POLR1C: variants seen among roughly 807,000 people sequenced by gnomAD.
POLR1C encodes DNA-directed RNA polymerases I and III subunit RPAC1.
A neutral mutation model predicts 38.3 loss-of-function variants in POLR1C; 42 were observed. The ratio of observed to expected loss-of-function variants is 1.10; its 90% CI spans 0.86 to 1.42. The LOEUF (loss-of-function observed/expected upper bound fraction) is 1.42. Ranked by LOEUF, POLR1C falls within the 40% of genes most tolerant of loss-of-function variation. The probability of loss-of-function intolerance (pLI) is 0.00; values close to 1 mark genes in which losing one functional copy is unlikely to be tolerated. For synonymous variants in POLR1C, 163 were observed against 163.9 expected (o/e 0.99, Z 0.04); for missense variants, 507 against 450.5 (o/e 1.13, Z -1.14).
intron 6 of POLR1C, 37 bp downstream of exon 6, chr6:43,520,464 G>A (rs988782039): frequency 2.5e-6 from 4 of 1,612,210 alleles, no homozygotes; most frequent in Non-Finnish European, 2.5e-6. Flanking sequence ...AAGGGGGATA[G>A]TTCGGTTGCA....
chr6:43,529,021 G>T, intron 8 of POLR1C: 1 of 1,221,044 alleles, frequency 8.2e-7, no homozygotes, highest in Admixed American at 2.4e-5. Context: ...ATCCCTAAAG[G>T]ATTTGCCAGA....
chr6:43,543,126 T>TG (rs1198781226), intron 9 of POLR1C, among the ~76,000 whole-genome samples: 6 of 152,206 alleles, frequency 3.9e-5, no homozygotes, highest in African/African-American at 1.4e-4. Context: ...TGCATACTTC[T>TG]GATTTCATTT....
intron 8 of POLR1C, chr6:43,528,808 G>C: frequency 6.2e-7 from 1 of 1,609,568 alleles, no homozygotes; most frequent in Non-Finnish European, 8.5e-7. Context: ...TTTGCTTCCT[G>C]TTCCTGACTT....
intron 9 of POLR1C, chr6:43,538,827 T>C: frequency 8.7e-7 from 1 of 1,143,502 alleles, no homozygotes; most frequent in East Asian, 2.4e-5. Flanking sequence ...AAACCCTATG[T>C]TGTAGCCACA....
At chr6:43,524,352 C>CAAAAAAA, downstream of POLR1C, 3 of 1,069,136 alleles carry the variant, frequency 2.8e-6, no homozygotes, top group African/African-American at 3.9e-5. Flanking sequence ...AACCCCATCT[C>CAAAAAAA]AAAAAAAAAA....
exon 11 of POLR1C, chr6:43,562,217 A>G: frequency 6.4e-7 from 1 of 1,566,610 alleles, no homozygotes; most frequent in Non-Finnish European, 8.7e-7. Flanking sequence ...AATGGGCTTG[A>G]AGCTCTCCAG....
chr6:43,527,438 T>C (rs1360961789), intron 8 of POLR1C: 26 of 521,670 alleles, frequency 5.0e-5, no homozygotes, highest in Non-Finnish European at 8.5e-5. Context: ...TACGCCCAGC[T>C]AATTTTTGTA....
intron 10 of POLR1C, chr6:43,553,307 A>G (rs946594841): frequency 2.2e-5 from 33 of 1,530,330 alleles, no homozygotes; most frequent in Non-Finnish European, 8.8e-7. Flanking sequence ...GTCCCAAAAT[A>G]GAAAGAGAAA....
downstream of POLR1C, chr6:43,524,094 T>TA: frequency 6.6e-7 from 1 of 1,518,194 alleles, no homozygotes; most frequent in Non-Finnish European, 8.8e-7. Flanking sequence ...CTCGCGCCTG[T>TA]AATCCCAACA....
chr6:43,523,583 C>A (rs1793336165), downstream of POLR1C: 4 of 607,862 alleles, frequency 6.6e-6, no homozygotes, highest in Admixed American at 7.8e-5. Context: ...AGAAGGGCTG[C>A]TCTGCTCTAG....
chr6:43,522,270 C>T (rs1310419292), downstream of POLR1C: 1 of 152,486 alleles, frequency 6.6e-6, no homozygotes. Flanking sequence ...CCCGGGTGCT[C>T]ATGAAGTAAC....
intron 10 of POLR1C, chr6:43,560,418 G>A: frequency 7.7e-7 from 1 of 1,300,394 alleles, no homozygotes; most frequent in Non-Finnish European, 1.0e-6. Context: ...ACAATACTTT[G>A]AAGCTGTCTC....
chr6:43,537,972 G>A (rs115037240), intron 9 of POLR1C, among the ~76,000 whole-genome samples: 1,878 of 150,878 alleles, frequency 0.012, 41 homozygotes, highest in African/African-American at 0.044. Flanking sequence ...AGAGGCTGAG[G>A]CAGTCGAGAG....
chr6:43,548,320 C>G, intron 9 of POLR1C: 2 of 1,613,570 alleles, frequency 1.2e-6, no homozygotes, highest in Non-Finnish European at 1.7e-6. Flanking sequence ...CCTCTAGGAA[C>G]ACCTTCTGAC....
chr6:43,560,087 G>T, intron 10 of POLR1C: 8 of 1,459,572 alleles, frequency 5.5e-6, no homozygotes, highest in Non-Finnish European at 7.4e-6. Flanking sequence ...CCATAGAGCT[G>T]GGATTATAGG....
In POLR1C at chr6:43,554,191, T is replaced by G. The variant is rs555846989; in HGVS notation, c.*48+3180T>G. ...GCGAGATCTCGGCTCACTGCAACAT[T>G]AGCCTCCCAGGTTGAAGCAATTCTC... On this transcript the variant is annotated intron_variant, in intron 10 of 10. Coordinates refer to the POLR1C transcript ENST00000607635. 4.6e-5 allele frequency among the ~76,000 whole-genome samples: 7 copies of G among 150,818 alleles called. 1 individual carries two copies. The South Asian group carries it at 1.5e-3, about 32-fold the overall frequency.
downstream of POLR1C, chr6:43,523,837 A>G (rs1173149619): frequency 1.2e-6 from 2 of 1,613,980 alleles, no homozygotes; most frequent in Admixed American, 1.7e-5. Context: ...GATGACAAGA[A>G]AGGCCGAGGA....
At chr6:43,535,082 T>C (rs1444236302) in intron 9 of POLR1C, among the ~76,000 whole-genome samples, 1 of 148,600 alleles carries the variant, frequency 6.7e-6, no homozygotes, top group Non-Finnish European at 1.5e-5. Flanking sequence ...CACGAGGTCA[T>C]GAGATCGAGA....
chr6:43,526,091 ATCT>A (rs1793569537), downstream of POLR1C: 1 of 633,926 alleles, frequency 1.6e-6, no homozygotes. Flanking sequence ...CCCATGGCTG[ATCT>A]TCTAGAGATG....
Sources: gnomAD v4.1 joint callset for allele counts (sites outside exome capture counted in the v4.1 genomes callset) on GRCh38, gnomAD v4.1.1 for gene constraint, MANE v1.5 for transcripts, NCBI Gene and HGNC (gene_info 2026-07-23, HGNC 2026-07-21) for gene names.